Variants in COL18A1 observed in about 807,000 individuals in gnomAD.
COL18A1 encodes the protein collagen alpha-1(XVIII) chain.
In COL18A1, 133 loss-of-function variants were observed where a neutral mutation model predicts 168.0. The ratio of observed to expected loss-of-function variants is 0.79; its 90% CI spans 0.69 to 0.91. The LOEUF is 0.91. COL18A1 is among the 40% of genes least tolerant of loss of function. The pLI is 0.00. For synonymous variants in COL18A1, 949 were observed against 809.0 expected, an observed-to-expected ratio of 1.17 and a Z score of -2.94; for missense variants, 2,126 against 1,925.4, an observed-to-expected ratio of 1.10 and a Z score of -1.95.
At chr21:45,509,743 G>A in intron 39 of COL18A1, 142 bp downstream of exon 39, 2 of 706,996 alleles carry the variant, frequency 2.8e-6, no homozygotes, top group South Asian at 1.5e-5. Flanking sequence ...GCCACTCAGG[G>A]CGGCTTGGCT....
chr21:45,454,299 G>A (rs1164866646), intron 2 of COL18A1, among the ~76,000 whole-genome samples: 2 of 152,158 alleles, frequency 1.3e-5, no homozygotes, highest in Non-Finnish European at 2.9e-5. Context: ...CTGACCTGGG[G>A]ACAGCTGGGG....
intron 3 of COL18A1, among the ~76,000 whole-genome samples, chr21:45,470,272 C>T (rs2035362993): frequency 1.3e-5 from 2 of 152,168 alleles, no homozygotes; most frequent in African/African-American, 2.4e-5. Context: ...TGTATTTCTT[C>T]CTTTGTGACT....
chr21:45,504,998 CG>C, intron 34 of COL18A1, 135 bp from the exon 35 acceptor site: 1 of 1,101,320 alleles, frequency 9.1e-7, no homozygotes, highest in East Asian at 2.6e-5. Context: ...CAGGCTATGG[CG>C]TGGGCAGGGA....
intron 29 of COL18A1, chr21:45,495,955 CACAT>C (rs1316228757): frequency 1.8e-5 from 6 of 329,094 alleles, no homozygotes; most frequent in African/African-American, 1.3e-4. Context: ...TACTCATGCA[CACAT>C]ACATATACAC....
Position 45,454,843 on chromosome 21 carries a change from C to T in COL18A1, c.107-13399C>T, listed in dbSNP as rs139713949. On this transcript the variant is annotated intron_variant, in intron 2 of 41. Coordinates refer to ENST00000651438, the MANE Select transcript of COL18A1 (RefSeq NM_001379500.1). ...GGCCGGGAAGGAGTATGCATTCCTG[C>T]CCTGGTCCCGGGCTCCGTCTCTGCT... Among the ~76,000 whole-genome samples, 3 of 152,340 alleles carry T rather than the reference C, an allele frequency of 2.0e-5. No individual in the cohort carries two copies. In the South Asian group the frequency reaches 6.2e-4, roughly 32 times the overall value.
chr21:45,449,035 A>C (rs1230487078), intron 2 of COL18A1, among the ~76,000 whole-genome samples: 1 of 152,202 alleles, frequency 6.6e-6, no homozygotes, highest in East Asian at 1.9e-4. Flanking sequence ...TGTCAGGGGC[A>C]GAGGTGGCAG....
Position 45,494,539 on chromosome 21 carries a change from G to A in COL18A1, c.2353-6G>A, listed in dbSNP as rs780820481. 6.2e-7 allele frequency: 1 copy of A among 1,613,334 alleles called. No homozygotes were observed. Among genetic ancestry groups the A allele is most frequent in the Non-Finnish European group, 8.5e-7 (1 of 1,179,952 alleles). ...CCTAACCCTGTCTTCTTGTTTTTTT[G>A]CTCAGGGAGAGCCGGGCTTCCGAGG... On this transcript the variant is annotated splice_region_variant and splice_polypyrimidine_tract_variant and intron_variant, in intron 26 of 41. Coordinates refer to ENST00000651438, the MANE Select transcript of COL18A1 (RefSeq NM_001379500.1).
chr21:45,456,712 C>T (rs1261184299), intron 2 of COL18A1: 52 of 1,532,662 alleles, frequency 3.4e-5, no homozygotes, highest in Admixed American at 9.9e-5. Context: ...TGCTGCTGGT[C>T]CCCCCATGCG....
At chr21:45,441,481 A>G (rs935322450) in intron 2 of COL18A1, among the ~76,000 whole-genome samples, 1 of 152,080 alleles carries the variant, frequency 6.6e-6, no homozygotes, top group Non-Finnish European at 1.5e-5. Flanking sequence ...GGGACGCTTG[A>G]ACCCACCTCG....
chr21:45,437,955 C>G (rs1356539788), intron 2 of COL18A1, among the ~76,000 whole-genome samples: 1 of 81,804 alleles, frequency 1.2e-5, no homozygotes, highest in Non-Finnish European at 2.2e-5. Flanking sequence ...GACACACAGG[C>G]ACTCTCCTGC....
At chr21:45,408,619 C>G (rs1219872734) in intron 2 of COL18A1, 1 of 152,190 alleles carries the variant, frequency 6.6e-6, no homozygotes, top group Non-Finnish European at 1.5e-5. Flanking sequence ...TGCAGGCAGC[C>G]CAGAGAGAGG....
chr21:45,433,538 G>A (rs1020277911), intron 2 of COL18A1, among the ~76,000 whole-genome samples: 6 of 152,214 alleles, frequency 3.9e-5, no homozygotes, highest in African/African-American at 1.4e-4. Flanking sequence ...CCGGCCCAGG[G>A]CCTGCAAGGA....
At chr21:45,438,130 G>GCA (rs199911477) in intron 2 of COL18A1, among the ~76,000 whole-genome samples, 1 of 76,158 alleles carries the variant, frequency 1.3e-5, no homozygotes, top group South Asian at 5.3e-4. Flanking sequence ...GCACTCTCCT[G>GCA]CACACACACA....
rs1569287619 is a variant in COL18A1, at chr21:45,437,321, CACACACACACACTCAGACACACAG to C, written c.107-30920_107-30897del. ...ACACACTCACACAGGCACTCTCCTG[CACACACACACACTCAGACACACAG>C]GCACTCTCCTGCGCACACACACACA... On this transcript the variant is annotated intron_variant, in intron 2 of 41. Transcript: ENST00000651438. Among the ~76,000 whole-genome samples, 12 of 88,318 alleles carry C rather than the reference CACACACACACACTCAGACACACAG, an allele frequency of 1.4e-4. 1 individual carries two copies. The highest frequency in any genetic ancestry group is 6.4e-4 in the African/African-American group (12 of 18,614). The allele number at this position is 88,318 out of a possible 152,430, so 57.9% of individuals were successfully genotyped here. A position where few individuals can be genotyped will look rare whatever the true frequency, so the allele number is the denominator to read the frequency against.
chr21:45,499,626 C>T (rs1196481323), intron 32 of COL18A1, among the ~76,000 whole-genome samples: 2 of 152,132 alleles, frequency 1.3e-5, no homozygotes, highest in Non-Finnish European at 2.9e-5. Context: ...CCGCAGGAAC[C>T]GGCACAGGCT....
At chr21:45,468,177 G>A in intron 2 of COL18A1, 65 bp from the exon 3 acceptor site, 1 of 1,577,120 alleles carries the variant, frequency 6.3e-7, no homozygotes, top group Non-Finnish European at 8.7e-7. Flanking sequence ...GCCTCTCCAG[G>A]CCGCGTCGGT....
chr21:45,508,241 G>T (rs111213123), intron 38 of COL18A1, among the ~76,000 whole-genome samples: 27 of 148,988 alleles, frequency 1.8e-4, no homozygotes, highest in African/African-American at 6.4e-4. Context: ...GGGTAAGTGG[G>T]TGAGTGGATG....
intron 30 of COL18A1, 84 bp downstream of exon 30, chr21:45,496,652 C>G: frequency 1.3e-6 from 1 of 793,162 alleles, no homozygotes; most frequent in Non-Finnish European, 2.3e-6. Flanking sequence ...CTTCTTCTCC[C>G]CTGGCCTCTG....
chr21:45,410,870 G>A (rs543338368), intron 2 of COL18A1, among the ~76,000 whole-genome samples: 5 of 152,336 alleles, frequency 3.3e-5, no homozygotes, highest in Admixed American at 2.0e-4. Context: ...TGGCATCTCC[G>A]GTCCTGGAGC....
Sources: allele counts gnomAD v4.1 joint callset (sites outside exome capture counted in the v4.1 genomes callset), GRCh38; gene constraint gnomAD v4.1.1; transcripts MANE v1.5; gene names NCBI Gene and HGNC (gene_info 2026-07-23, HGNC 2026-07-21).